The following NDUFA12 variants were observed in gnomAD, a reference collection of about 807,000 sequenced individuals.
NDUFA12 encodes the protein NADH dehydrogenase [ubiquinone] 1 alpha subcomplex subunit 12.
In NDUFA12, 17 loss-of-function variants were observed where a neutral mutation model predicts 20.3. The ratio of observed to expected loss-of-function variants is 0.84; its 90% CI spans 0.57 to 1.26. The LOEUF is 1.26. Ranked by LOEUF, NDUFA12 falls within the 50% of genes most tolerant of loss-of-function variation. The probability of loss-of-function intolerance (pLI) is 0.00; values close to 1 mark genes in which losing one functional copy is unlikely to be tolerated. For synonymous variants in NDUFA12, 72 were observed against 63.6 expected, an observed-to-expected ratio of 1.13 and a Z score of -0.63; for missense variants, 191 against 183.7, an observed-to-expected ratio of 1.04 and a Z score of -0.23.
At chr12:94,974,876 A>C (rs898933497) in intron 3 of NDUFA12, among the ~76,000 whole-genome samples, 1 of 147,472 alleles carries the variant, frequency 6.8e-6, no homozygotes, top group Non-Finnish European at 1.5e-5. Flanking sequence ...TTTGGGGATT[A>C]GGGGGAGGTG....
intron 3 of NDUFA12, among the ~76,000 whole-genome samples, chr12:94,980,985 T>G (rs1237172917): frequency 6.6e-6 from 1 of 152,016 alleles, no homozygotes; most frequent in Non-Finnish European, 1.5e-5. Context: ...AAATGCTAAC[T>G]ACCATAACAA....
intron 3 of NDUFA12, among the ~76,000 whole-genome samples, chr12:94,985,626 CAAAAAAAAAAA>C (rs35674364): frequency 4.6e-4 from 20 of 43,570 alleles, no homozygotes; most frequent in Non-Finnish European, 7.7e-4. Context: ...GACTCCATCT[CAAAAAAAAAAA>C]AAAAAAAAAA....
intron 2 of NDUFA12, among the ~76,000 whole-genome samples, chr12:94,996,323 G>GTA (rs202108518): frequency 9.1e-4 from 62 of 67,908 alleles, no homozygotes; most frequent in South Asian, 2.1e-3. Flanking sequence ...ACATATATAG[G>GTA]TACACACACA....
At position 95,002,766 on chromosome 12, in the gene NDUFA12, A is replaced by G; in HGVS notation, c.142T>C (p.Tyr48His). Residue 48 changes from tyrosine (Y) to histidine (H), a missense_variant, in exon 2 of 4, where the codon TAC becomes CAC. Tyr to His is a moderately conservative substitution (Grantham distance 83). Transcript: ENST00000327772. ...AAAAATTGCTTGTTGTCTTCATAGTATTTGTTTCCATATTTGTCTTCCCCC... is the reference window on the plus strand; with the variant it reads ...AAAAATTGCTTGTTGTCTTCATAGTGTTTGTTTCCATATTTGTCTTCCCCC... ...LVGEDKYGNK[Y>H]YEDNKQFFGR... The G allele has an allele frequency of 6.2e-7, 1 of 1,614,020 alleles. No homozygotes were observed. The highest frequency in any genetic ancestry group is 8.5e-7 in the Non-Finnish European group (1 of 1,179,930).
chr12:94,985,902 T>C lies in NDUFA12; in HGVS notation c.257+8268A>G, dbSNP rs1276698760. ...GAATTTGAGACCAGCCTGGCCAATATGGTGAAACCCCGTCTCTACTAAAAA... is the reference window on the plus strand; with the variant it reads ...GAATTTGAGACCAGCCTGGCCAATACGGTGAAACCCCGTCTCTACTAAAAA... On this transcript the variant is annotated intron_variant, in intron 3 of 3. Transcript: ENST00000327772. 2.0e-5 allele frequency among the ~76,000 whole-genome samples: 3 copies of C among 151,910 alleles called. No homozygotes were observed. In the East Asian group the frequency reaches 5.8e-4, roughly 30 times the overall value.
Position 95,003,640 on chromosome 12 carries a change from A to C in NDUFA12, c.41T>G (p.Ile14Ser). 6.2e-7 allele frequency: 1 copy of C among 1,614,120 alleles called. No homozygotes were observed. Among genetic ancestry groups the C allele is most frequent in the Non-Finnish European group, 8.5e-7 (1 of 1,180,026 alleles). Residue 14 changes from isoleucine (I) to serine (S), a missense_variant, in exon 1 of 4, where the codon ATC becomes AGC. Transcript: ENST00000327772. ...GCCTCGGAGACCGCCGTGGCCGGTG[A>C]TCTGCTGCAGCCCGCGTTTCAGGAC... ...VQVLKRGLQQ[I>S]TGHGGLRGYL...
chr12:94,994,392 A>C, intron 2 of NDUFA12, 135 bp from the exon 3 acceptor site: 1 of 673,778 alleles, frequency 1.5e-6, no homozygotes, highest in East Asian at 2.8e-5. Flanking sequence ...TGGAGGAATA[A>C]CACCCTGGGT....
At chr12:94,989,836 C>T (rs1482747953) in intron 3 of NDUFA12, among the ~76,000 whole-genome samples, 1 of 152,026 alleles carries the variant, frequency 6.6e-6, no homozygotes, top group Non-Finnish European at 1.5e-5. Context: ...GAAATCACAC[C>T]CCTACCCCTC....
chr12:94,977,316 A>T (rs529506463), intron 3 of NDUFA12, among the ~76,000 whole-genome samples: 1 of 152,290 alleles, frequency 6.6e-6, no homozygotes, highest in South Asian at 2.1e-4. Flanking sequence ...TCTCAAAAAC[A>T]AAAACATTAG....
At chr12:94,980,088 C>T (rs1874187346) in intron 3 of NDUFA12, among the ~76,000 whole-genome samples, 1 of 152,126 alleles carries the variant, frequency 6.6e-6, no homozygotes, top group African/African-American at 2.4e-5. Context: ...TGAAATACTC[C>T]TCTTTCTTCC....
intron 3 of NDUFA12, among the ~76,000 whole-genome samples, chr12:94,980,516 C>T (rs1359295738): frequency 6.6e-5 from 10 of 151,888 alleles, no homozygotes. Flanking sequence ...ATTGGCCTTT[C>T]AAGGGCAAAA....
At chr12:94,998,761 G>T (rs563362831) in intron 2 of NDUFA12, among the ~76,000 whole-genome samples, 1 of 152,016 alleles carries the variant, frequency 6.6e-6, no homozygotes, top group Non-Finnish European at 1.5e-5. Context: ...AAATACTTAG[G>T]AATATACTTA....
At chr12:94,994,570 A>C (rs1170847518) in intron 2 of NDUFA12, among the ~76,000 whole-genome samples, 2 of 152,222 alleles carry the variant, frequency 1.3e-5, no homozygotes, top group Non-Finnish European at 2.9e-5. Flanking sequence ...ACAGGATAGG[A>C]AAGTGTGTTC....
intron 3 of NDUFA12, among the ~76,000 whole-genome samples, chr12:94,976,018 T>C (rs1390259025): frequency 6.6e-6 from 1 of 151,920 alleles, no homozygotes; most frequent in Non-Finnish European, 1.5e-5. Flanking sequence ...CAGCGGGGGA[T>C]CCCATTTCTA....
In NDUFA12 at chr12:94,985,877, G is replaced by C. The variant is rs555034735; in HGVS notation, c.257+8293C>G. 9.9e-5 allele frequency among the ~76,000 whole-genome samples: 15 copies of C among 152,052 alleles called. 2 individuals are homozygous for C. Among genetic ancestry groups the C allele is most frequent in the Admixed American group, 3.3e-4 (5 of 15,260 alleles). ...AGGTGGACAGATCACCTGAGGTCAG[G>C]AATTTGAGACCAGCCTGGCCAATAT... On this transcript the variant is annotated intron_variant, in intron 3 of 3. Coordinates refer to ENST00000327772, the MANE Select transcript of NDUFA12 (RefSeq NM_018838.5).
At chr12:94,973,764 A>T (rs1873966371) in intron 3 of NDUFA12, among the ~76,000 whole-genome samples, 1 of 152,174 alleles carries the variant, frequency 6.6e-6, no homozygotes, top group African/African-American at 2.4e-5. Context: ...TAGCAAGCCT[A>T]CATGCAAGAA....
chr12:94,982,979 C>T (rs1328626654), intron 3 of NDUFA12, among the ~76,000 whole-genome samples: 1 of 152,116 alleles, frequency 6.6e-6, no homozygotes, highest in East Asian at 1.9e-4. Flanking sequence ...TCTCCAGCAT[C>T]AATCTCTAGC....
chr12:94,986,981 G>A (rs1234115740), intron 3 of NDUFA12, among the ~76,000 whole-genome samples: 1 of 152,096 alleles, frequency 6.6e-6, no homozygotes, highest in African/African-American at 2.4e-5. Flanking sequence ...ATGAATTAAA[G>A]CTTTGATGAG....
At chr12:94,977,519 T>A (rs1444441475) in intron 3 of NDUFA12, among the ~76,000 whole-genome samples, 2 of 149,272 alleles carry the variant, frequency 1.3e-5, no homozygotes, top group Non-Finnish European at 3.0e-5. Flanking sequence ...CCCACAAAAC[T>A]GTAACAAATG....
Sources: gnomAD v4.1 joint callset for allele counts (sites outside exome capture counted in the v4.1 genomes callset) on GRCh38, gnomAD v4.1.1 for gene constraint, MANE v1.5 for transcripts, NCBI Gene and HGNC (gene_info 2026-07-23, HGNC 2026-07-21) for gene names.